Variants in GABRG3 observed in about 807,000 individuals in gnomAD.
The protein encoded by GABRG3 is gamma-aminobutyric acid receptor subunit gamma-3.
In GABRG3, 25 loss-of-function variants were observed where a neutral mutation model predicts 48.8. The observed-to-expected ratio is 0.51, with a 90% CI of 0.37 to 0.72. The LOEUF is 0.72. GABRG3 is among the 30% of genes least tolerant of loss of function. GABRG3 has a pLI of 0.00. For synonymous variants in GABRG3, 227 were observed against 217.6 expected, an observed-to-expected ratio of 1.04 and a Z score of -0.38; for missense variants, 394 against 577.9, an observed-to-expected ratio of 0.68 and a Z score of 3.26.
intron 3 of GABRG3, among the ~76,000 whole-genome samples, chr15:27,049,427 C>T (rs1896419217): frequency 6.6e-6 from 1 of 152,176 alleles, no homozygotes; most frequent in Non-Finnish European, 1.5e-5. Context: ...TTAGTTTCTT[C>T]CAGTTTCTAA....
intron 3 of GABRG3, among the ~76,000 whole-genome samples, chr15:27,167,554 T>G (rs1191610218): frequency 6.6e-6 from 1 of 152,134 alleles, no homozygotes; most frequent in Non-Finnish European, 1.5e-5. Flanking sequence ...AATCAGATTT[T>G]AAAAATAACA....
At chr15:27,335,450 T>C (rs1007921841) in intron 5 of GABRG3, among the ~76,000 whole-genome samples, 6 of 152,234 alleles carry the variant, frequency 3.9e-5, no homozygotes, top group African/African-American at 7.2e-5. Flanking sequence ...GGATGAGAAA[T>C]TGTAGCTCAT....
chr15:27,245,658 C>T (rs934127864), intron 3 of GABRG3, among the ~76,000 whole-genome samples: 8 of 115,800 alleles, frequency 6.9e-5, no homozygotes, highest in South Asian at 6.0e-4. Flanking sequence ...TGAATTACAA[C>T]GTCAGGAGTT....
intron 3 of GABRG3, among the ~76,000 whole-genome samples, chr15:27,127,772 A>G (rs534626776): frequency 4.0e-5 from 6 of 151,628 alleles, no homozygotes; most frequent in East Asian, 1.9e-4. Context: ...TACTTCATCT[A>G]TATTTTAAAT....
intron 5 of GABRG3, among the ~76,000 whole-genome samples, chr15:27,437,847 C>G (rs2140629319): frequency 6.6e-6 from 1 of 152,226 alleles, no homozygotes; most frequent in Middle Eastern, 3.4e-3. Context: ...CCACTTATAG[C>G]AGAAGGTAAG....
chr15:27,243,932 T>G (rs1890201576), intron 3 of GABRG3, among the ~76,000 whole-genome samples: 1 of 152,194 alleles, frequency 6.6e-6, no homozygotes, highest in Admixed American at 6.5e-5. Context: ...AATCTGAAAT[T>G]GATCCATGGG....
chr15:27,330,175 G>A (rs1256825347), intron 5 of GABRG3, among the ~76,000 whole-genome samples: 2 of 152,168 alleles, frequency 1.3e-5, no homozygotes, highest in African/African-American at 2.4e-5. Flanking sequence ...AGGAAGCAGA[G>A]GTTGCAGTGA....
At chr15:27,465,740 A>G (rs1020391091) in intron 5 of GABRG3, among the ~76,000 whole-genome samples, 7 of 152,166 alleles carry the variant, frequency 4.6e-5, no homozygotes, top group Non-Finnish European at 8.8e-5. Context: ...GTCTCTTTCA[A>G]TGGCTCATAC....
Position 27,043,474 on chromosome 15 carries a change from C to A in GABRG3, c.270+16653C>A, listed in dbSNP as rs1332002407. ...AAGCACAGCAGCCCGTCAGAAGGGG[C>A]CAGCTCACCTGAGCTGGTATCATAG... is the stretch of plus-strand genomic sequence containing the variant. On this transcript the variant is annotated intron_variant, in intron 3 of 9. Transcript: ENST00000615808. Among the ~76,000 whole-genome samples the A allele has an allele frequency of 5.3e-5, 8 of 152,280 alleles. 1 individual carries two copies. Among genetic ancestry groups the A allele is most frequent in the African/African-American group, 1.9e-4 (8 of 41,558 alleles).
At chr15:27,181,763 G>A (rs996289896) in intron 3 of GABRG3, among the ~76,000 whole-genome samples, 1 of 152,064 alleles carries the variant, frequency 6.6e-6, no homozygotes, top group African/African-American at 2.4e-5. Flanking sequence ...AGATCCCAAC[G>A]CTCAGAAGTG....
At chr15:27,376,988 C>G (rs1895618283) in intron 5 of GABRG3, among the ~76,000 whole-genome samples, 1 of 152,136 alleles carries the variant, frequency 6.6e-6, no homozygotes, top group African/African-American at 2.4e-5. Context: ...TTTGACAACA[C>G]CCAACTCACC....
intron 5 of GABRG3, among the ~76,000 whole-genome samples, chr15:27,414,448 A>G (rs1379131878): frequency 3.9e-5 from 6 of 152,214 alleles, no homozygotes; most frequent in Non-Finnish European, 4.4e-5. Context: ...CCCAGACTCT[A>G]CCTATTGTGA....
chr15:27,527,517 A>T lies in GABRG3; in HGVS notation c.950A>T (p.Asp317Val), dbSNP rs767268527. The change falls in exon 8 of 10, where the codon GAC (aspartate) becomes GTC (valine). Residue 317 changes from aspartate (D) to valine (V), a missense_variant. Asp to Val is a radical substitution (Grantham distance 152, BLOSUM62 -3). This residue lies in a region of GABRG3 where 50 missense variants were observed against 112.5 expected (regional missense o/e 0.44). Transcript: ENST00000615808. ...CGCGTGTCCTACGTGACCGCCATGG[A>T]CCTTTTTGTGACCGTGTGCTTCCTG... ...LPRVSYVTAM[D>V]LFVTVCFLFV... 1.2e-6 allele frequency: 2 copies of T among 1,613,898 alleles called. No individual in the cohort carries two copies. Among genetic ancestry groups the T allele is most frequent in the Non-Finnish European group, 1.7e-6 (2 of 1,179,880 alleles).
At chr15:27,458,037 A>C (rs1324861787) in intron 5 of GABRG3, among the ~76,000 whole-genome samples, 1 of 151,022 alleles carries the variant, frequency 6.6e-6, no homozygotes, top group Non-Finnish European at 1.5e-5. Flanking sequence ...AGGCCCCCCG[A>C]CTCTGGGTTC....
At chr15:27,354,880 G>A (rs1323301364) in intron 5 of GABRG3, among the ~76,000 whole-genome samples, 2 of 152,216 alleles carry the variant, frequency 1.3e-5, no homozygotes, top group Non-Finnish European at 2.9e-5. Context: ...TCAGTACAAA[G>A]TCTAGGTGAT....
intron 3 of GABRG3, among the ~76,000 whole-genome samples, chr15:27,221,016 T>G (rs555524818): frequency 1.4e-4 from 21 of 152,238 alleles, no homozygotes; most frequent in African/African-American, 4.8e-4. Context: ...TTTCTGCCTT[T>G]TATTCAATAA....
intron 3 of GABRG3, among the ~76,000 whole-genome samples, chr15:27,135,023 AATGATAAT>A: frequency 6.6e-6 from 1 of 152,302 alleles, no homozygotes; most frequent in African/African-American, 2.4e-5. Flanking sequence ...TATGACCTTG[AATGATAAT>A]ATGGGACTTT....
At chr15:27,049,365 T>A (rs905563115) in intron 3 of GABRG3, among the ~76,000 whole-genome samples, 5 of 152,240 alleles carry the variant, frequency 3.3e-5, no homozygotes, top group Non-Finnish European at 7.3e-5. Flanking sequence ...TCTTAGAATT[T>A]CACTATCTTC....
intron 3 of GABRG3, among the ~76,000 whole-genome samples, chr15:27,296,345 G>T (rs1469645538): frequency 6.6e-6 from 1 of 152,076 alleles, no homozygotes; most frequent in Non-Finnish European, 1.5e-5. Context: ...ATAACATATA[G>T]AAATGTCATA....
Sources: gnomAD v4.1 joint callset for allele counts (sites outside exome capture counted in the v4.1 genomes callset) on GRCh38, gnomAD v4.1.1 for gene constraint, gnomAD v4.1.1 regional missense constraint, MANE v1.5 for transcripts, NCBI Gene and HGNC (gene_info 2026-07-23, HGNC 2026-07-21) for gene names.